The following ENOX1 variants were observed in gnomAD, a reference collection of about 807,000 sequenced individuals.
The protein encoded by ENOX1 is ecto-NOX disulfide-thiol exchanger 1.
A neutral mutation model predicts 82.5 loss-of-function variants in ENOX1; 42 were observed. The observed-to-expected ratio is 0.51, with a 90% CI of 0.40 to 0.66. ENOX1 has a LOEUF of 0.66. Among genes scored for constraint, ENOX1 ranks in the 30% least tolerant of loss-of-function variants. The pLI, the probability that ENOX1 is intolerant of heterozygous loss-of-function variation, is 0.00. For missense variants in ENOX1, 608 were observed against 811.6 expected, an observed-to-expected ratio of 0.75 and a Z score of 3.05; for synonymous variants, 271 against 282.2, an observed-to-expected ratio of 0.96 and a Z score of 0.40.
intron 5 of ENOX1, among the ~76,000 whole-genome samples, chr13:43,381,308 T>C (rs2153575321): frequency 6.6e-6 from 1 of 151,780 alleles, no homozygotes; most frequent in Admixed American, 6.6e-5. Context: ...GAATAGCCTG[T>C]AGGTCAAACA....
chr13:43,270,989 G>A (rs2044645876), intron 12 of ENOX1, among the ~76,000 whole-genome samples: 1 of 152,306 alleles, frequency 6.6e-6, no homozygotes, highest in Admixed American at 6.5e-5. Flanking sequence ...CCAGACCGTG[G>A]GGAATGGCTC....
At chr13:43,513,825 T>C (rs776433069) in intron 2 of ENOX1, among the ~76,000 whole-genome samples, 9 of 152,084 alleles carry the variant, frequency 5.9e-5, no homozygotes, top group Non-Finnish European at 1.0e-4. Context: ...AGTTAACCCT[T>C]AGCTATTAAT....
chr13:43,514,404 C>A (rs547070692), intron 2 of ENOX1, among the ~76,000 whole-genome samples: 1 of 151,962 alleles, frequency 6.6e-6, no homozygotes, highest in African/African-American at 2.4e-5. Flanking sequence ...AATGTCTTTC[C>A]TCTCCCTTAT....
At chr13:43,530,136 T>A (rs1374066443) in intron 2 of ENOX1, among the ~76,000 whole-genome samples, 4 of 152,146 alleles carry the variant, frequency 2.6e-5, no homozygotes, top group Non-Finnish European at 5.9e-5. Context: ...AAGCATCCAA[T>A]GTTCATAGTA....
At chr13:43,776,614 GC>G (rs1370013332) in intron 1 of ENOX1, among the ~76,000 whole-genome samples, 1 of 152,184 alleles carries the variant, frequency 6.6e-6, no homozygotes, top group African/African-American at 2.4e-5. Flanking sequence ...TGATGGAGGT[GC>G]AGACAGCCTA....
At chr13:43,554,282 T>C (rs1230818988) in intron 2 of ENOX1, among the ~76,000 whole-genome samples, 1 of 152,112 alleles carries the variant, frequency 6.6e-6, no homozygotes, top group Non-Finnish European at 1.5e-5. Flanking sequence ...ATGGCAAAAA[T>C]AGGGAGCCAC....
Position 43,620,427 on chromosome 13 carries a change from G to T in ENOX1, c.-219+47052C>A, listed in dbSNP as rs139391583. On this transcript the variant is annotated intron_variant, in intron 2 of 16. Transcript: ENST00000690772. Reference sequence around the variant, plus strand: ...AGCACTGCTTTTGCTGTATCCCAAAGGTTTTGATAGGTTGTGTCATTACTG... The same window carrying T: ...AGCACTGCTTTTGCTGTATCCCAAATGTTTTGATAGGTTGTGTCATTACTG... Among the ~76,000 whole-genome samples the T allele has an allele frequency of 3.7e-3, 561 of 152,120 alleles. 4 individuals are homozygous for T. The highest frequency in any genetic ancestry group is 3.1e-3 in the Non-Finnish European group (214 of 68,002).
chr13:43,740,754 T>C (rs988127274), intron 1 of ENOX1, among the ~76,000 whole-genome samples: 10 of 152,228 alleles, frequency 6.6e-5, no homozygotes, highest in African/African-American at 1.2e-4. Flanking sequence ...ATGTGGTCTT[T>C]TATGTCTGGA....
intron 2 of ENOX1, among the ~76,000 whole-genome samples, chr13:43,599,931 A>G (rs2081629898): frequency 6.6e-6 from 1 of 151,864 alleles, no homozygotes; most frequent in Admixed American, 6.6e-5. Flanking sequence ...TTCTAGACAC[A>G]TTCTGGGCCA....
intron 1 of ENOX1, among the ~76,000 whole-genome samples, chr13:43,763,431 C>T (rs1039106651): frequency 6.6e-6 from 1 of 152,106 alleles, no homozygotes; most frequent in African/African-American, 2.4e-5. Flanking sequence ...GATCTAATTA[C>T]CGGTGGATTA....
intron 5 of ENOX1, among the ~76,000 whole-genome samples, chr13:43,368,391 T>C (rs2050992855): frequency 6.6e-6 from 1 of 152,172 alleles, no homozygotes; most frequent in Admixed American, 6.5e-5. Flanking sequence ...AAAGAGAATT[T>C]CAAAACTCCT....
chr13:43,778,757 TA>T (rs200130745), intron 1 of ENOX1, among the ~76,000 whole-genome samples: 22,878 of 152,086 alleles, frequency 0.15, 1,976 homozygotes, highest in East Asian at 0.34. Flanking sequence ...TACTTGACTG[TA>T]AAAAGCCTAA....
chr13:43,743,488 G>A (rs576574187), intron 1 of ENOX1, among the ~76,000 whole-genome samples: 2 of 152,260 alleles, frequency 1.3e-5, no homozygotes, highest in East Asian at 3.9e-4. Context: ...AGCCCAGGGG[G>A]TTCTCAGGTA....
At chr13:43,361,855 T>G (rs1413905957) in intron 5 of ENOX1, among the ~76,000 whole-genome samples, 5 of 152,032 alleles carry the variant, frequency 3.3e-5, no homozygotes, top group African/African-American at 1.2e-4. Context: ...AATCTAATTG[T>G]CAACGTGGTT....
chr13:43,443,993 T>A (rs539180462), intron 3 of ENOX1, among the ~76,000 whole-genome samples: 2 of 152,288 alleles, frequency 1.3e-5, no homozygotes, highest in African/African-American at 4.8e-5. Context: ...GTTTAGGAAG[T>A]ACAGGTAGTA....
At chr13:43,530,719 T>C (rs1405250859) in intron 2 of ENOX1, among the ~76,000 whole-genome samples, 2 of 152,152 alleles carry the variant, frequency 1.3e-5, no homozygotes, top group Non-Finnish European at 2.9e-5. Flanking sequence ...GAACAGGAAT[T>C]TGCCAAATCA....
chr13:43,595,737 A>G (rs2081441285), intron 2 of ENOX1, among the ~76,000 whole-genome samples: 1 of 152,244 alleles, frequency 6.6e-6, no homozygotes, highest in Non-Finnish European at 1.5e-5. Context: ...GAAAATATCT[A>G]TATACAATTT....
intron 2 of ENOX1, among the ~76,000 whole-genome samples, chr13:43,646,677 T>C (rs2083908541): frequency 6.6e-6 from 1 of 152,162 alleles, no homozygotes; most frequent in Non-Finnish European, 1.5e-5. Context: ...TCACCCTCTC[T>C]CACAGAGGAT....
At chr13:43,247,338 A>G (rs2043134841) in intron 14 of ENOX1, among the ~76,000 whole-genome samples, 1 of 152,134 alleles carries the variant, frequency 6.6e-6, no homozygotes, top group Non-Finnish European at 1.5e-5. Flanking sequence ...ACATAAATAA[A>G]AAAGTATTGT....
Sources: allele counts gnomAD v4.1 joint callset (sites outside exome capture counted in the v4.1 genomes callset), GRCh38; gene constraint gnomAD v4.1.1; transcripts MANE v1.5; gene names NCBI Gene and HGNC (gene_info 2026-07-23, HGNC 2026-07-21).